The following COL5A1 variants were observed in gnomAD, a reference collection of about 807,000 sequenced individuals.
COL5A1 encodes the protein collagen alpha-1(V) chain.
COL5A1 carries 16 observed loss-of-function variants against 263.7 expected under a neutral mutation model. The ratio of observed to expected loss-of-function variants is 0.06; its 90% confidence interval spans 0.04 to 0.09. COL5A1 has a LOEUF of 0.09. Ranked by LOEUF, COL5A1 falls within the 10% of genes least tolerant of loss-of-function variation. COL5A1 has a pLI of 1.00. For synonymous variants in COL5A1, 1,012 were observed against 1,004.5 expected, an observed-to-expected ratio of 1.01 and a Z score of -0.14; for missense variants, 2,036 against 2,540.5, an observed-to-expected ratio of 0.80 and a Z score of 4.27.
At chr9:134,750,258 C>G (rs1835725098) in intron 11 of COL5A1, among the ~76,000 whole-genome samples, 1 of 152,174 alleles carries the variant, frequency 6.6e-6, no homozygotes, top group Non-Finnish European at 1.5e-5. Context: ...CCTTGAGGCC[C>G]CAGAGGACGC....
rs1839803575 is a variant in COL5A1, at chr9:134,835,121, G to A, written c.5287G>A (p.Ala1763Thr). 13 of 1,613,816 alleles carry A rather than the reference G, an allele frequency of 8.1e-6. No individual in the cohort carries two copies. The highest frequency in any genetic ancestry group is 1.1e-5 in the Non-Finnish European group (13 of 1,180,040). Reference protein sequence around the residue: ...QDAATGSYDKALRFLGSNDEE... With the variant: ...QDAATGSYDKTLRFLGSNDEE... ...CGCAGCCACGGGCAGCTACGACAAG[G>A]CCCTCCGCTTCCTGGGCTCCAACGA... Residue 1763 changes from alanine (A) to threonine (T), a missense_variant, in exon 65 of 66, where the codon GCC (alanine) becomes ACC (threonine). Ala to Thr is a moderately conservative substitution (Grantham distance 58). Around this residue, in one of 3 missense-constraint regions of COL5A1, gnomAD observed 358 missense variants for 384.6 expected, o/e 0.93. Transcript: ENST00000371817.
chr9:134,644,964 T>C (rs1831427461), intron 1 of COL5A1, among the ~76,000 whole-genome samples: 1 of 152,126 alleles, frequency 6.6e-6, no homozygotes, highest in African/African-American at 2.4e-5. Flanking sequence ...TCCTTTTCCA[T>C]CCTCTGCCCC....
At chr9:134,764,100 T>A (rs1404216814) in intron 20 of COL5A1, among the ~76,000 whole-genome samples, 8 of 59,954 alleles carry the variant, frequency 1.3e-4, no homozygotes, top group African/African-American at 5.4e-4. Flanking sequence ...GGGTCCGGGG[T>A]CAGTGTGGGG....
intron 2 of COL5A1, among the ~76,000 whole-genome samples, chr9:134,693,528 G>A (rs917220879): frequency 6.6e-6 from 1 of 152,180 alleles, no homozygotes; most frequent in Admixed American, 6.5e-5. Flanking sequence ...TGAAGCTGGA[G>A]GTTGCTTGGG....
At chr9:134,662,142 C>CA (rs34491867) in intron 1 of COL5A1, among the ~76,000 whole-genome samples, 1,819 of 121,142 alleles carry the variant, frequency 0.015, 29 homozygotes, top group African/African-American at 0.037. Context: ...ATATCTTGGC[C>CA]AAAAAAAAAA....
chr9:134,643,804 T>C (rs1201690027), intron 1 of COL5A1, among the ~76,000 whole-genome samples: 1 of 152,108 alleles, frequency 6.6e-6, no homozygotes, highest in African/African-American at 2.4e-5. Flanking sequence ...TCTGGGGACT[T>C]TTCCCCAGAA....
At chr9:134,769,671 T>TGGGCCCAGAGCCC (rs1443743026) in intron 25 of COL5A1, among the ~76,000 whole-genome samples, 1 of 152,134 alleles carries the variant, frequency 6.6e-6, no homozygotes, top group Non-Finnish European at 1.5e-5. Context: ...GGACAGTGGC[T>TGGGCCCAGAGCCC]GGGCCCAGAG....
chr9:134,722,530 G>A (rs925314217), intron 4 of COL5A1, among the ~76,000 whole-genome samples: 5 of 152,204 alleles, frequency 3.3e-5, no homozygotes, highest in African/African-American at 1.2e-4. Flanking sequence ...TGGGGCTTCC[G>A]GGGAAGCAGA....
chr9:134,826,738 ATGGTGTTCGGGTGTGTGTGGC>A (rs1236464902), intron 63 of COL5A1, among the ~76,000 whole-genome samples: 1 of 122,518 alleles, frequency 8.2e-6, no homozygotes, highest in Non-Finnish European at 1.6e-5. Flanking sequence ...GGGTGTGTAC[ATGGTGTTCGGGTGTGTGTGGC>A]TGGTGTGTGG....
chr9:134,830,286 C>A, intron 64 of COL5A1: 2 of 1,097,062 alleles, frequency 1.8e-6, no homozygotes, highest in Non-Finnish European at 2.7e-6. Flanking sequence ...CCGCTCTTGC[C>A]AAACCGCTCC....
At position 134,843,789 on chromosome 9, in the gene COL5A1, C is replaced by G. The variant is rs1830169608; in HGVS notation, c.*1486C>G. 1 of 152,698 alleles carries G rather than the reference C, an allele frequency of 6.5e-6. No homozygotes were observed. The highest frequency in any genetic ancestry group is 2.1e-4 in the South Asian group (1 of 4,832). The allele number at this position is 152,698 out of a possible 1,614,324, so 9.5% of individuals were successfully genotyped here. On this transcript the variant is annotated 3_prime_UTR_variant, in exon 66 of 66. Coordinates refer to ENST00000371817, the MANE Select transcript of COL5A1 (RefSeq NM_000093.5). ...CTGCCTCGGTAGATGGAGTAATGTA[C>G]AATGAACTCCATGAGTCTCTCCAGG... is the stretch of plus-strand genomic sequence containing the variant.
In COL5A1 at chr9:134,648,178, T is replaced by TC. The variant is rs930423611; in HGVS notation, c.109+5884dup. On this transcript the variant is annotated intron_variant, in intron 1 of 65. Transcript: ENST00000371817. ...CGCTTCCTGCCCTCGAACATCGGAC[T>TC]CCAAGTTCTTCAGGTTTGGGACTCG... Among the ~76,000 whole-genome samples the TC allele has an allele frequency of 7.2e-5, 11 of 152,012 alleles. No individual in the cohort carries two copies. The Middle Eastern group carries it at 0.01, about 142-fold the overall frequency.
Position 134,762,062 on chromosome 9 carries a change from C to T in COL5A1, c.1989+84C>T, listed in dbSNP as rs1259958215. On this transcript the variant is annotated intron_variant, in intron 19 of 65. Transcript: ENST00000371817. The stretch of plus-strand genomic sequence containing the variant: ...GCAGGAAAACCACAGAAGAGAGGCC[C>T]AGGTGTGGGATTGGCCTGCCGCATG... The T allele has an allele frequency of 5.5e-6, 8 of 1,452,458 alleles. No individual in the cohort carries two copies. In the African/African-American group the frequency reaches 8.4e-5, roughly 15 times the overall value. The allele number at this position is 1,452,458 out of a possible 1,614,324, so 90.0% of individuals were successfully genotyped here.
At chr9:134,753,479 G>C (rs543769944) in intron 14 of COL5A1, among the ~76,000 whole-genome samples, 1 of 152,314 alleles carries the variant, frequency 6.6e-6, no homozygotes, top group East Asian at 1.9e-4. Flanking sequence ...TCCCACATCT[G>C]GGGGATCTGG....
Position 134,794,262 on chromosome 9 carries a change from A to C in COL5A1, c.2701-820A>C, listed in dbSNP as rs1436236237. Among the ~76,000 whole-genome samples, 1 of 151,988 alleles carries C rather than the reference A, an allele frequency of 6.6e-6. No individual in the cohort carries two copies. Among genetic ancestry groups the C allele is most frequent in the Non-Finnish European group, 1.5e-5 (1 of 68,010 alleles). On this transcript the variant is annotated intron_variant, in intron 32 of 65. Coordinates refer to ENST00000371817, the MANE Select transcript of COL5A1 (RefSeq NM_000093.5). This position sits in a 1 kb window ranked among gnomAD's most constrained non-coding sequence, Gnocchi z 4.3. ...CTTGAACCTGGGAGGCGGAGGTTGC[A>C]GTCAGCCAAGATCACACCATTGCAT...
intron 2 of COL5A1, among the ~76,000 whole-genome samples, chr9:134,692,560 A>C (rs1276911200): frequency 6.6e-6 from 1 of 152,188 alleles, no homozygotes; most frequent in African/African-American, 2.4e-5. Flanking sequence ...GCCGAGGACC[A>C]CATGGACTCT....
chr9:134,797,192 T>TCC (rs397893958), intron 36 of COL5A1, among the ~76,000 whole-genome samples: 38 of 152,324 alleles, frequency 2.5e-4, no homozygotes, highest in Admixed American at 8.5e-4. Context: ...TGATTTTCTC[T>TCC]GAGTTCTGTG....
chr9:134,697,166 G>A (rs1014122850), intron 2 of COL5A1, among the ~76,000 whole-genome samples: 2 of 152,020 alleles, frequency 1.3e-5, no homozygotes, highest in Non-Finnish European at 2.9e-5. Context: ...TTCGACAGCC[G>A]ATTCCCTCCT....
At chr9:134,808,908 A>G (rs1371178876) in intron 42 of COL5A1, 5 of 532,320 alleles carry the variant, frequency 9.4e-6, no homozygotes, top group Non-Finnish European at 1.7e-5. Context: ...TCTACTGCTC[A>G]CTAACTGTGC....
Sources: allele counts gnomAD v4.1 joint callset (sites outside exome capture counted in the v4.1 genomes callset), GRCh38; gene constraint gnomAD v4.1.1; regional missense constraint gnomAD v4.1.1; non-coding constraint Gnocchi (gnomAD v3.1); transcripts MANE v1.5; gene names NCBI Gene and HGNC (gene_info 2026-07-23, HGNC 2026-07-21).